SRBD1: variants seen among roughly 807,000 people sequenced by gnomAD.
SRBD1 encodes the protein S1 RNA binding domain 1, also known as S1 RNA-binding domain-containing protein 1.
SRBD1 carries 88 observed loss-of-function variants against 115.3 expected under a neutral mutation model. The ratio of observed to expected loss-of-function variants is 0.76; its 90% CI spans 0.64 to 0.91. The LOEUF (loss-of-function observed/expected upper bound fraction) is 0.91. SRBD1 is among the 40% of genes least tolerant of loss of function. The probability of loss-of-function intolerance (pLI) is 0.00; values close to 1 mark genes in which losing one functional copy is unlikely to be tolerated. For synonymous variants in SRBD1, 509 were observed against 407.7 expected, an observed-to-expected ratio of 1.25 and a Z score of -2.99; for missense variants, 1,385 against 1,177.4, an observed-to-expected ratio of 1.18 and a Z score of -2.58.
At chr2:45,495,330 A>C (rs2103875653) in intron 14 of SRBD1, among the ~76,000 whole-genome samples, 1 of 152,328 alleles carries the variant, frequency 6.6e-6, no homozygotes, top group East Asian at 1.9e-4. Context: ...GGGGAAAAGC[A>C]AATCAACAAA....
chr2:45,532,515 A>C (rs1172788440), intron 14 of SRBD1, among the ~76,000 whole-genome samples: 1 of 151,766 alleles, frequency 6.6e-6, no homozygotes, highest in Non-Finnish European at 1.5e-5. Context: ...TCTACCCACC[A>C]ATCAGGCAAG....
Position 45,579,907 on chromosome 2 carries a change from C to T in SRBD1, c.1040G>A (p.Ser347Asn). Residue 347 changes from serine to asparagine, a missense_variant, in exon 7 of 21, where the codon AGT becomes AAT. Ser to Asn is a conservative substitution (Grantham distance 46). Transcript: ENST00000263736. ...RALLEKPGEL[S>N]LLSYIRPDVK... ...GTCAGGCCTAATGTACGATAGCAGA[C>T]TGAGCTCCCCTGGTTTCTCAAGCAG... 2.5e-6 allele frequency: 4 copies of T among 1,608,284 alleles called. No homozygotes were observed. Among genetic ancestry groups the T allele is most frequent in the Non-Finnish European group, 3.4e-6 (4 of 1,177,670 alleles).
chr2:45,410,663 T>C (rs1667574828), intron 19 of SRBD1, among the ~76,000 whole-genome samples: 1 of 152,032 alleles, frequency 6.6e-6, no homozygotes. Flanking sequence ...ACCAAACAAG[T>C]GACTAGAGGG....
chr2:45,552,048 T>G (rs113600770), intron 11 of SRBD1, among the ~76,000 whole-genome samples: 2 of 151,920 alleles, frequency 1.3e-5, no homozygotes, highest in Non-Finnish European at 2.9e-5. Flanking sequence ...GATGGCAAAA[T>G]AGATAGCACT....
At chr2:45,608,396 T>G (rs1049483043) in intron 1 of SRBD1, among the ~76,000 whole-genome samples, 1 of 152,216 alleles carries the variant, frequency 6.6e-6, no homozygotes, top group African/African-American at 2.4e-5. Flanking sequence ...GCTGAAGACT[T>G]GGAAATTATG....
Position 45,413,094 on chromosome 2 carries a change from C to T in SRBD1, c.2513+20G>A, listed in dbSNP as rs1189630637. The stretch of plus-strand genomic sequence containing the variant: ...ACTCACTCTGCATATGGAGAATTCC[C>T]ACATGGGCCTCAGACTTACCTCATT... On this transcript the variant is annotated intron_variant, in intron 19 of 20. Transcript: ENST00000263736. 6.2e-7 allele frequency: 1 copy of T among 1,601,844 alleles called. No individual in the cohort carries two copies. The highest frequency in any genetic ancestry group is 2.2e-5 in the East Asian group (1 of 44,606).
chr2:45,516,424 A>C (rs1223152798), intron 14 of SRBD1, among the ~76,000 whole-genome samples: 11 of 152,244 alleles, frequency 7.2e-5, no homozygotes, highest in African/African-American at 2.7e-4. Flanking sequence ...ATCCTTAAAA[A>C]TGATGAGAAG....
At chr2:45,535,920 T>C (rs897809445) in intron 14 of SRBD1, among the ~76,000 whole-genome samples, 1 of 152,072 alleles carries the variant, frequency 6.6e-6, no homozygotes, top group Non-Finnish European at 1.5e-5. Context: ...TTCTTAAATT[T>C]TGGTCTTCCA....
At chr2:45,471,352 C>T (rs1669642130) in intron 16 of SRBD1, among the ~76,000 whole-genome samples, 1 of 152,088 alleles carries the variant, frequency 6.6e-6, no homozygotes, top group Non-Finnish European at 1.5e-5. Flanking sequence ...TAAAATACTA[C>T]AAGAACAATT....
Position 45,605,234 on chromosome 2 carries a change from T to C in SRBD1, c.80+128A>G, listed in dbSNP as rs1018253331. Reference sequence around the variant, plus strand: ...ACAGCATGAGTTCAACAAATACTTGTTGCATGAATGAATAAAAAAAGTTTT... The same window carrying C: ...ACAGCATGAGTTCAACAAATACTTGCTGCATGAATGAATAAAAAAAGTTTT... On this transcript the variant is annotated intron_variant, in intron 2 of 20. Coordinates refer to ENST00000263736, the MANE Select transcript of SRBD1 (RefSeq NM_018079.5). 1.3e-5 allele frequency: 9 copies of C among 715,242 alleles called. No individual in the cohort carries two copies. The Admixed American group carries it at 1.5e-4, about 12-fold the overall frequency. The allele number at this position is 715,242 out of a possible 1,614,324, so 44.3% of individuals were successfully genotyped here.
intron 1 of SRBD1, 132 bp from the exon 2 acceptor site, chr2:45,605,573 C>T: frequency 2.4e-6 from 2 of 835,668 alleles, no homozygotes; most frequent in Non-Finnish European, 1.9e-6. Flanking sequence ...ATTCACAAGC[C>T]CAAACATCAG....
chr2:45,514,808 G>T (rs2103936719), intron 14 of SRBD1, among the ~76,000 whole-genome samples: 1 of 152,228 alleles, frequency 6.6e-6, no homozygotes, highest in African/African-American at 2.4e-5. Context: ...GTTCCAATTT[G>T]CACTTAAACC....
At chr2:45,583,774 G>C (rs1394337419) in intron 5 of SRBD1, among the ~76,000 whole-genome samples, 1 of 152,072 alleles carries the variant, frequency 6.6e-6, no homozygotes, top group Non-Finnish European at 1.5e-5. Flanking sequence ...AGAAATTTCT[G>C]TATTATAGAA....
At chr2:45,425,866 T>TC (rs967050834) in intron 16 of SRBD1, among the ~76,000 whole-genome samples, 5 of 152,118 alleles carry the variant, frequency 3.3e-5, no homozygotes, top group African/African-American at 1.2e-4. Flanking sequence ...ACCAGGAGAT[T>TC]CCCTTGGGTG....
At chr2:45,467,079 G>A (rs911748626) in intron 16 of SRBD1, among the ~76,000 whole-genome samples, 9 of 152,172 alleles carry the variant, frequency 5.9e-5, no homozygotes, top group Non-Finnish European at 1.0e-4. Flanking sequence ...AGACTACAGG[G>A]TCCAATCCCC....
At chr2:45,609,508 T>G (rs1674378321) in intron 1 of SRBD1, among the ~76,000 whole-genome samples, 1 of 152,206 alleles carries the variant, frequency 6.6e-6, no homozygotes, top group South Asian at 2.1e-4. Flanking sequence ...AAACAACGAA[T>G]TACTTCCCAC....
At chr2:45,566,626 T>C (rs906172166) in intron 9 of SRBD1, among the ~76,000 whole-genome samples, 2 of 152,230 alleles carry the variant, frequency 1.3e-5, no homozygotes, top group Non-Finnish European at 2.9e-5. Context: ...CGAAAAACCA[T>C]TGAACTTACA....
At chr2:45,571,111 C>T (rs1672992357) in intron 9 of SRBD1, among the ~76,000 whole-genome samples, 1 of 152,050 alleles carries the variant, frequency 6.6e-6, no homozygotes, top group South Asian at 2.1e-4. Context: ...AAGCTTTCAC[C>T]TCTAGATGAA....
intron 16 of SRBD1, among the ~76,000 whole-genome samples, chr2:45,427,638 A>G (rs890189486): frequency 5.3e-5 from 8 of 152,228 alleles, no homozygotes; most frequent in Non-Finnish European, 8.8e-5. Flanking sequence ...TCCTGATACC[A>G]AAACCTGGCA....
Sources: allele counts gnomAD v4.1 joint callset (sites outside exome capture counted in the v4.1 genomes callset), GRCh38; gene constraint gnomAD v4.1.1; transcripts MANE v1.5; gene names NCBI Gene and HGNC (gene_info 2026-07-23, HGNC 2026-07-21).